The following TSPAN9 variants were observed in gnomAD, a reference collection of about 807,000 sequenced individuals.
TSPAN9 encodes tetraspanin 9.
In TSPAN9, 16 loss-of-function variants were observed where a neutral mutation model predicts 31.0. The ratio of observed to expected loss-of-function variants is 0.52; its 90% CI spans 0.35 to 0.78. The LOEUF is 0.78. Ranked by LOEUF, TSPAN9 falls within the 30% of genes least tolerant of loss-of-function variation. The probability of loss-of-function intolerance (pLI) is 0.01; values close to 1 mark genes in which losing one functional copy is unlikely to be tolerated. For synonymous variants in TSPAN9, 145 were observed against 121.6 expected (o/e 1.19, Z -1.27); for missense variants, 272 against 312.5 (o/e 0.87, Z 0.98).
intron 2 of TSPAN9, among the ~76,000 whole-genome samples, chr12:3,174,275 C>T (rs1484661294): frequency 6.6e-6 from 1 of 152,166 alleles, no homozygotes; most frequent in Non-Finnish European, 1.5e-5. Flanking sequence ...CTATGTTGCC[C>T]AGGCTAGTCT....
intron 2 of TSPAN9, among the ~76,000 whole-genome samples, chr12:3,109,031 G>T (rs1035609333): frequency 6.6e-6 from 1 of 151,956 alleles, no homozygotes; most frequent in South Asian, 2.1e-4. Flanking sequence ...CGCCTCTCGG[G>T]TTTACACCAT....
intron 3 of TSPAN9, among the ~76,000 whole-genome samples, chr12:3,256,190 C>T (rs1001277869): frequency 7.2e-5 from 11 of 152,292 alleles, no homozygotes; most frequent in Middle Eastern, 3.4e-3. Flanking sequence ...GCTGTGGGGG[C>T]GGGGTCCCGA....
intron 2 of TSPAN9, among the ~76,000 whole-genome samples, chr12:3,186,017 C>T (rs570800581): frequency 1.7e-4 from 26 of 152,156 alleles, no homozygotes; most frequent in Non-Finnish European, 3.1e-4. Flanking sequence ...CATGTAGGGT[C>T]CCATTAGAGG....
chr12:3,235,073 G>A (rs4766077), intron 3 of TSPAN9, among the ~76,000 whole-genome samples: 95,006 of 144,406 alleles, frequency 0.66, 31,761 homozygotes, highest in South Asian at 0.89. Flanking sequence ...AGGCTGAGGC[G>A]GGAGAATGAC....
At chr12:3,246,424 C>T (rs535660268) in intron 3 of TSPAN9, among the ~76,000 whole-genome samples, 6 of 152,286 alleles carry the variant, frequency 3.9e-5, no homozygotes, top group East Asian at 3.9e-4. Flanking sequence ...CTGCAGCCTT[C>T]GCTGAGGTCA....
rs559504269 is a variant in TSPAN9, at chr12:3,271,299, T to C, written c.64-7122T>C. Among the ~76,000 whole-genome samples, 9 of 152,272 alleles carry C rather than the reference T, an allele frequency of 5.9e-5. No individual in the cohort carries two copies. In the South Asian group the frequency reaches 1.7e-3, roughly 28 times the overall value. On this transcript the variant is annotated intron_variant, in intron 3 of 8. Coordinates refer to ENST00000011898, the MANE Select transcript of TSPAN9 (RefSeq NM_006675.5). ...ACCAGCTCAGTGTGAGACTAAACTGTGCTATGGCTGCCACTCAAGCCAATG... is the reference window on the plus strand; with the variant it reads ...ACCAGCTCAGTGTGAGACTAAACTGCGCTATGGCTGCCACTCAAGCCAATG...
intron 3 of TSPAN9, among the ~76,000 whole-genome samples, chr12:3,269,158 G>C (rs1591716441): frequency 1.0e-5 from 1 of 100,218 alleles, no homozygotes; most frequent in Non-Finnish European, 2.1e-5. Context: ...CTTGCCCTCT[G>C]TGCGTTCCTG....
intron 3 of TSPAN9, among the ~76,000 whole-genome samples, chr12:3,275,188 C>A (rs1862759693): frequency 1.3e-5 from 2 of 152,206 alleles, no homozygotes; most frequent in African/African-American, 4.8e-5. Flanking sequence ...GGTACCTGAG[C>A]ATCCCAGCAC....
chr12:3,208,657 A>T (rs2098376570), intron 3 of TSPAN9, among the ~76,000 whole-genome samples: 2 of 152,214 alleles, frequency 1.3e-5, no homozygotes, highest in African/African-American at 4.8e-5. Context: ...AAACACCGTC[A>T]CCCAAAATAA....
chr12:3,147,489 C>T lies in TSPAN9; in HGVS notation c.-17-53688C>T, dbSNP rs1276948124. ...AAGTGGCCTCTCCCTCCTTCAGGAT[C>T]GCCCCCACCTTCCCTGCCCACTTCC... On this transcript the variant is annotated intron_variant, in intron 2 of 8. Coordinates refer to ENST00000011898, the MANE Select transcript of TSPAN9 (RefSeq NM_006675.5). This position sits in a 1 kb window ranked among gnomAD's most constrained non-coding sequence, Gnocchi z 4.3. Among the ~76,000 whole-genome samples the T allele has an allele frequency of 2.0e-5, 3 of 151,894 alleles. No homozygotes were observed. Among genetic ancestry groups the T allele is most frequent in the Admixed American group, 2.0e-4 (3 of 15,274 alleles).
chr12:3,269,985 T>C (rs34592797), intron 3 of TSPAN9, among the ~76,000 whole-genome samples: 68,747 of 152,182 alleles, frequency 0.45, 16,588 homozygotes, highest in South Asian at 0.62. Flanking sequence ...ATCACTCCTC[T>C]TCTACAAGGC....
chr12:3,108,770 C>T (rs547792628), intron 2 of TSPAN9, among the ~76,000 whole-genome samples: 161 of 152,164 alleles, frequency 1.1e-3, no homozygotes, highest in South Asian at 6.5e-3. Context: ...CTTTATCTTC[C>T]GGCCTTCTAT....
intron 2 of TSPAN9, among the ~76,000 whole-genome samples, chr12:3,122,894 A>C (rs1010461873): frequency 2.0e-5 from 3 of 152,244 alleles, no homozygotes; most frequent in African/African-American, 7.2e-5. Flanking sequence ...GAGGGCTGCC[A>C]AAATGCCAAA....
rs2153968296 is a variant in TSPAN9, at chr12:3,147,488, T to C, written c.-17-53689T>C. Among the ~76,000 whole-genome samples, 1 of 152,000 alleles carries C rather than the reference T, an allele frequency of 6.6e-6. No individual in the cohort carries two copies. Among genetic ancestry groups the C allele is most frequent in the East Asian group, 1.9e-4 (1 of 5,170 alleles). The stretch of plus-strand genomic sequence containing the variant: ...GAAGTGGCCTCTCCCTCCTTCAGGA[T>C]CGCCCCCACCTTCCCTGCCCACTTC... On this transcript the variant is annotated intron_variant, in intron 2 of 8. Coordinates refer to ENST00000011898, the MANE Select transcript of TSPAN9 (RefSeq NM_006675.5). This position sits in a 1 kb window ranked among gnomAD's most constrained non-coding sequence, Gnocchi z 4.3.
intron 3 of TSPAN9, chr12:3,215,475 T>A (rs1462552534): frequency 1.3e-5 from 2 of 152,272 alleles, no homozygotes; most frequent in Non-Finnish European, 2.9e-5. Flanking sequence ...TTCTGCTGAT[T>A]GGAATCAGGA....
intron 3 of TSPAN9, among the ~76,000 whole-genome samples, chr12:3,274,804 C>T (rs964704217): frequency 1.3e-5 from 2 of 152,212 alleles, no homozygotes; most frequent in African/African-American, 4.8e-5. Flanking sequence ...TGGGGATGTG[C>T]GTGGCACCCG....
At position 3,226,773 on chromosome 12, in the gene TSPAN9, TATATATATA is replaced by T. The variant is rs2098387869; in HGVS notation, c.63+25518_63+25526del. On this transcript the variant is annotated intron_variant, in intron 3 of 8. Coordinates refer to ENST00000011898, the MANE Select transcript of TSPAN9 (RefSeq NM_006675.5). The stretch of plus-strand genomic sequence containing the variant: ...ATATATATATATATATATATATATA[TATATATATA>T]TATATATATATATTTTTTTTTTTTT... Among the ~76,000 whole-genome samples the T allele has an allele frequency of 5.6e-3, 31 of 5,490 alleles. 5 individuals are homozygous for T. The highest frequency in any genetic ancestry group is 0.01 in the Non-Finnish European group (25 of 2,416). The allele number at this position is 5,490 out of a possible 152,430, so 3.6% of individuals were successfully genotyped here.
At chr12:3,226,905 A>G in intron 3 of TSPAN9, among the ~76,000 whole-genome samples, 1 of 147,606 alleles carries the variant, frequency 6.8e-6, no homozygotes. Context: ...GCTTCTCCTA[A>G]TATGTGGTCT....
chr12:3,149,391 CCTT>C (rs1222329364), intron 2 of TSPAN9, among the ~76,000 whole-genome samples: 5 of 152,308 alleles, frequency 3.3e-5, no homozygotes, highest in East Asian at 1.9e-4. Flanking sequence ...ACATGCCTTG[CCTT>C]CTTCTCTCTT....
Sources: gnomAD v4.1 joint callset for allele counts (sites outside exome capture counted in the v4.1 genomes callset) on GRCh38, gnomAD v4.1.1 for gene constraint, Gnocchi (gnomAD v3.1) non-coding constraint, MANE v1.5 for transcripts, NCBI Gene and HGNC (gene_info 2026-07-23, HGNC 2026-07-21) for gene names.